PTPRT: variants seen among roughly 807,000 people sequenced by gnomAD.
PTPRT encodes receptor-type tyrosine-protein phosphatase T.
Under a neutral mutation model 176.8 loss-of-function variants are expected in PTPRT, and 56 were observed. The observed-to-expected ratio is 0.32, with a 90% CI of 0.26 to 0.40. PTPRT has a LOEUF of 0.40. PTPRT is among the 10% of genes least tolerant of loss of function. PTPRT has a pLI of 1.00. For synonymous variants in PTPRT, 783 were observed against 739.0 expected, an observed-to-expected ratio of 1.06 and a Z score of -0.96; for missense variants, 1,540 against 1,908.2, an observed-to-expected ratio of 0.81 and a Z score of 3.60.
At chr20:42,083,603 C>A (rs1462997618) in intron 29 of PTPRT, among the ~76,000 whole-genome samples, 1 of 152,186 alleles carries the variant, frequency 6.6e-6, no homozygotes, top group East Asian at 1.9e-4. Context: ...CATGTGCATG[C>A]ACCACCTGTT....
At chr20:42,514,318 G>A (rs1261127415) in intron 7 of PTPRT, among the ~76,000 whole-genome samples, 1 of 152,130 alleles carries the variant, frequency 6.6e-6, no homozygotes, top group Non-Finnish European at 1.5e-5. Context: ...TTACATATGG[G>A]ATATGAAGTC....
At position 42,442,915 on chromosome 20, in the gene PTPRT, T is replaced by A. The variant is rs201987423; in HGVS notation, c.1560+5305A>T. ...CAATTGCGACGGTCTGTGTTCTTGG[T>A]GAGTTGTGGTTGTTCCCAAGAGCTG... On this transcript the variant is annotated intron_variant, in intron 9 of 30. Coordinates refer to ENST00000373187, the MANE Select transcript of PTPRT (RefSeq NM_007050.6). Among the ~76,000 whole-genome samples, 3 of 152,280 alleles carry A rather than the reference T, an allele frequency of 2.0e-5. No homozygotes were observed. The East Asian group carries it at 5.8e-4, about 29-fold the overall frequency.
intron 2 of PTPRT, among the ~76,000 whole-genome samples, chr20:42,848,036 T>C (rs891316471): frequency 6.6e-6 from 1 of 152,158 alleles, no homozygotes; most frequent in Non-Finnish European, 1.5e-5. Flanking sequence ...CTTATGCCTT[T>C]GCATCCTCAG....
chr20:42,651,046 C>T (rs62203853), intron 7 of PTPRT, among the ~76,000 whole-genome samples: 3 of 151,560 alleles, frequency 2.0e-5, no homozygotes, highest in Non-Finnish European at 2.9e-5. Context: ...AATAAAGTAG[C>T]CTTTAGTTTA....
At chr20:42,610,387 T>G (rs199723169) in intron 7 of PTPRT, among the ~76,000 whole-genome samples, 17,091 of 151,376 alleles carry the variant, frequency 0.11, 2,353 homozygotes, top group African/African-American at 0.33. Context: ...TTGTTTTTTT[T>G]TTTTGTTTTT....
chr20:42,472,223 T>C (rs2071208987), intron 8 of PTPRT, 43 bp downstream of exon 8: 6 of 1,582,592 alleles, frequency 3.8e-6, no homozygotes, highest in Non-Finnish European at 5.2e-6. Flanking sequence ...TGTGAATAGA[T>C]TCAATATCCC....
chr20:43,079,831 A>G (rs918078507), intron 1 of PTPRT, among the ~76,000 whole-genome samples: 3 of 152,116 alleles, frequency 2.0e-5, no homozygotes, highest in Admixed American at 6.5e-5. Flanking sequence ...TTCCCTTCCA[A>G]TCCTTTTAAC....
intron 19 of PTPRT, among the ~76,000 whole-genome samples, chr20:42,122,435 G>T (rs1372587351): frequency 6.6e-6 from 1 of 152,168 alleles, no homozygotes; most frequent in Non-Finnish European, 1.5e-5. Context: ...CCTTCCCTGT[G>T]ACACAAGGGG....
At chr20:42,960,699 C>T (rs1428813687) in intron 1 of PTPRT, among the ~76,000 whole-genome samples, 1 of 152,156 alleles carries the variant, frequency 6.6e-6, no homozygotes, top group African/African-American at 2.4e-5. Context: ...CATATACACA[C>T]ACAGCCCTTA....
intron 7 of PTPRT, among the ~76,000 whole-genome samples, chr20:42,603,539 G>T (rs1322834900): frequency 6.6e-6 from 1 of 152,190 alleles, no homozygotes; most frequent in Non-Finnish European, 1.5e-5. Context: ...ACTAGATCTT[G>T]CTGGGCCTTG....
intron 12 of PTPRT, among the ~76,000 whole-genome samples, chr20:42,304,935 T>C (rs2057521701): frequency 6.6e-6 from 1 of 152,248 alleles, no homozygotes; most frequent in South Asian, 2.1e-4. Context: ...CTGCTCTTTT[T>C]TTCCTTGGCT....
At chr20:42,398,089 G>T (rs2058868750) in intron 9 of PTPRT, among the ~76,000 whole-genome samples, 1 of 152,018 alleles carries the variant, frequency 6.6e-6, no homozygotes, top group Non-Finnish European at 1.5e-5. Context: ...GGTAGTATCT[G>T]GTTTGATGAT....
At chr20:42,804,025 C>G (rs1486454148) in intron 2 of PTPRT, among the ~76,000 whole-genome samples, 1 of 152,156 alleles carries the variant, frequency 6.6e-6, no homozygotes, top group Non-Finnish European at 1.5e-5. Flanking sequence ...GAAATGGACA[C>G]CAGGAGATAA....
At chr20:43,084,444 C>G (rs2011549247) in intron 1 of PTPRT, among the ~76,000 whole-genome samples, 1 of 152,118 alleles carries the variant, frequency 6.6e-6, no homozygotes, top group Non-Finnish European at 1.5e-5. Context: ...GGAGACAGAG[C>G]AAGCAATGGG....
chr20:42,108,551 ACAT>A (rs1371535973), intron 23 of PTPRT, among the ~76,000 whole-genome samples: 4 of 152,280 alleles, frequency 2.6e-5, no homozygotes, highest in Non-Finnish European at 5.9e-5. Flanking sequence ...GTGCCTGGAT[ACAT>A]AGCCATTTTT....
At chr20:42,918,447 A>C (rs1978922614) in intron 1 of PTPRT, among the ~76,000 whole-genome samples, 1 of 152,182 alleles carries the variant, frequency 6.6e-6, no homozygotes, top group Non-Finnish European at 1.5e-5. Context: ...TACATTAACC[A>C]ATCTGACTGG....
At chr20:42,595,829 C>G (rs1049952486) in intron 7 of PTPRT, among the ~76,000 whole-genome samples, 1 of 152,162 alleles carries the variant, frequency 6.6e-6, no homozygotes, top group Non-Finnish European at 1.5e-5. Context: ...CCTGGCACCT[C>G]ACCCCCACAC....
intron 7 of PTPRT, among the ~76,000 whole-genome samples, chr20:42,518,390 C>T (rs908008149): frequency 6.6e-6 from 1 of 151,882 alleles, no homozygotes; most frequent in Non-Finnish European, 1.5e-5. Flanking sequence ...ATTTCTACCA[C>T]CCTGTTTTGT....
chr20:43,142,413 A>G (rs1014306329), intron 1 of PTPRT, among the ~76,000 whole-genome samples: 2 of 152,208 alleles, frequency 1.3e-5, no homozygotes, highest in African/African-American at 2.4e-5. Context: ...GGAAGCAGCC[A>G]GGTCTTGGAT....
Sources: allele counts gnomAD v4.1 joint callset (sites outside exome capture counted in the v4.1 genomes callset), GRCh38; gene constraint gnomAD v4.1.1; transcripts MANE v1.5; gene names NCBI Gene and HGNC (gene_info 2026-07-23, HGNC 2026-07-21).